The following AUTS2 variants were observed in gnomAD, a reference collection of about 807,000 sequenced individuals.
AUTS2 encodes autism susceptibility gene 2 protein.
In AUTS2, 17 loss-of-function variants were observed where a neutral mutation model predicts 112.4. The ratio of observed to expected loss-of-function variants is 0.15; its 90% CI spans 0.10 to 0.23. The LOEUF is 0.23. Ranked by LOEUF, AUTS2 falls within the 10% of genes least tolerant of loss-of-function variation. The probability of loss-of-function intolerance (pLI) is 1.00; values close to 1 mark genes in which losing one functional copy is unlikely to be tolerated. For synonymous variants in AUTS2, 751 were observed against 702.7 expected (o/e 1.07, Z -1.09); for missense variants, 1,510 against 1,701.6 (o/e 0.89, Z 1.98).
At chr7:70,099,166 C>T (rs1384449180) in intron 2 of AUTS2, among the ~76,000 whole-genome samples, 2 of 152,126 alleles carry the variant, frequency 1.3e-5, no homozygotes, top group Admixed American at 1.3e-4. Flanking sequence ...TTGAAAAAAA[C>T]CTCTTTCTCT....
intron 1 of AUTS2, among the ~76,000 whole-genome samples, chr7:69,855,578 G>A (rs1792684138): frequency 2.0e-5 from 3 of 152,146 alleles, no homozygotes; most frequent in Admixed American, 2.0e-4. Context: ...CTCAACTCAA[G>A]AGAGTAGATA....
intron 5 of AUTS2, among the ~76,000 whole-genome samples, chr7:70,446,646 C>T (rs555749041): frequency 3.3e-5 from 5 of 152,306 alleles, no homozygotes; most frequent in African/African-American, 1.2e-4. Context: ...CTGCAGGCAT[C>T]TGGGATTATT....
At chr7:70,362,408 A>T (rs1453618436) in intron 4 of AUTS2, among the ~76,000 whole-genome samples, 1 of 152,042 alleles carries the variant, frequency 6.6e-6, no homozygotes, top group East Asian at 1.9e-4. Flanking sequence ...CACACAATAC[A>T]TTGAGATTCT....
intron 1 of AUTS2, among the ~76,000 whole-genome samples, chr7:69,707,569 TA>T (rs1348229590): frequency 6.6e-6 from 1 of 152,250 alleles, no homozygotes; most frequent in Non-Finnish European, 1.5e-5. Context: ...TCATTAGATT[TA>T]TCATCTAGGT....
intron 14 of AUTS2, among the ~76,000 whole-genome samples, chr7:70,778,427 C>G (rs1229826545): frequency 6.6e-6 from 1 of 152,014 alleles, no homozygotes; most frequent in African/African-American, 2.4e-5. Flanking sequence ...CTCTTCATCA[C>G]AGAAGAGACA....
At chr7:70,682,225 T>A (rs1040198531) in intron 5 of AUTS2, among the ~76,000 whole-genome samples, 4 of 152,208 alleles carry the variant, frequency 2.6e-5, no homozygotes, top group African/African-American at 9.6e-5. Context: ...AATTCCAGAT[T>A]TTATGCTAAT....
At chr7:70,060,455 G>C (rs549642006) in intron 2 of AUTS2, among the ~76,000 whole-genome samples, 6 of 152,296 alleles carry the variant, frequency 3.9e-5, no homozygotes, top group African/African-American at 1.4e-4. Context: ...GGCGGGGCTG[G>C]CAATCTGTGT....
intron 4 of AUTS2, among the ~76,000 whole-genome samples, chr7:70,170,727 C>G (rs1348277131): frequency 6.6e-6 from 1 of 151,864 alleles, no homozygotes; most frequent in Non-Finnish European, 1.5e-5. Flanking sequence ...CCTACCTCAC[C>G]TTGCCGAGTA....
At chr7:70,773,475 G>A (rs945746982) in intron 11 of AUTS2, among the ~76,000 whole-genome samples, 17 of 152,176 alleles carry the variant, frequency 1.1e-4, no homozygotes, top group Admixed American at 5.9e-4. Flanking sequence ...GAGCAGATCC[G>A]CAAGGTCCCT....
At chr7:70,308,503 G>C (rs574792043) in intron 4 of AUTS2, among the ~76,000 whole-genome samples, 30 of 152,330 alleles carry the variant, frequency 2.0e-4, no homozygotes, top group African/African-American at 6.5e-4. Flanking sequence ...TTGTTTAAAA[G>C]TGCGGCTGAA....
At chr7:70,032,760 C>G (rs888947628) in intron 2 of AUTS2, among the ~76,000 whole-genome samples, 1 of 152,060 alleles carries the variant, frequency 6.6e-6, no homozygotes, top group Non-Finnish European at 1.5e-5. Context: ...TCATAGCTCC[C>G]TGTAAGGTAT....
At chr7:69,637,172 C>T (rs1056477586) in intron 1 of AUTS2, among the ~76,000 whole-genome samples, 7 of 152,130 alleles carry the variant, frequency 4.6e-5, no homozygotes, top group African/African-American at 7.2e-5. Context: ...TCCAGGTTTT[C>T]GATGTTATAA....
At chr7:70,016,713 G>A (rs1001867895) in intron 2 of AUTS2, among the ~76,000 whole-genome samples, 3 of 150,872 alleles carry the variant, frequency 2.0e-5, no homozygotes, top group African/African-American at 7.3e-5. Context: ...TGTTTCCTGG[G>A]CTGGAGTGCA....
At chr7:69,922,520 A>G (rs1292845104) in intron 2 of AUTS2, among the ~76,000 whole-genome samples, 2 of 152,192 alleles carry the variant, frequency 1.3e-5, no homozygotes, top group East Asian at 1.9e-4. Context: ...GTAAGTATAA[A>G]TGTGAGAAGA....
intron 5 of AUTS2, 41 bp downstream of exon 5, chr7:70,435,822 A>G (rs1437932437): frequency 2.5e-6 from 4 of 1,600,176 alleles, no homozygotes; most frequent in South Asian, 1.1e-5. Flanking sequence ...AGCACATAAC[A>G]CACTGAACAC....
At chr7:70,533,730 G>T (rs1335490232) in intron 5 of AUTS2, among the ~76,000 whole-genome samples, 2 of 152,242 alleles carry the variant, frequency 1.3e-5, no homozygotes. Context: ...CAGACAAAGA[G>T]TTGGATGCTT....
At chr7:70,589,933 A>G (rs1362400694) in intron 5 of AUTS2, among the ~76,000 whole-genome samples, 2 of 152,080 alleles carry the variant, frequency 1.3e-5, no homozygotes, top group African/African-American at 2.4e-5. Flanking sequence ...CACTCCTGCC[A>G]TTCCCTCTCA....
At chr7:69,617,579 C>T (rs138200486) in intron 1 of AUTS2, among the ~76,000 whole-genome samples, 3 of 152,208 alleles carry the variant, frequency 2.0e-5, no homozygotes, top group African/African-American at 4.8e-5. Flanking sequence ...AACTGAGTGA[C>T]GCCAGAAGCT....
intron 2 of AUTS2, among the ~76,000 whole-genome samples, chr7:70,084,077 CAAA>C (rs762392282): frequency 1.3e-5 from 2 of 151,380 alleles, no homozygotes; most frequent in East Asian, 1.9e-4. Flanking sequence ...AACAAACAAA[CAAA>C]AAAAACAAAA....
Sources: allele counts gnomAD v4.1 joint callset (sites outside exome capture counted in the v4.1 genomes callset), GRCh38; gene constraint gnomAD v4.1.1; transcripts MANE v1.5; gene names NCBI Gene and HGNC (gene_info 2026-07-23, HGNC 2026-07-21).